ANGPT1: variants seen among roughly 807,000 people sequenced by gnomAD.
The protein encoded by ANGPT1 is angiopoietin 1.
ANGPT1 carries 17 observed loss-of-function variants against 62.2 expected under a neutral mutation model. That is an observed-to-expected ratio of 0.27 (90% confidence interval 0.19 to 0.41). The LOEUF (loss-of-function observed/expected upper bound fraction) is 0.41. ANGPT1 is among the 10% of genes least tolerant of loss of function. The probability of loss-of-function intolerance (pLI) is 1.00; values close to 1 mark genes in which losing one functional copy is unlikely to be tolerated. For missense variants in ANGPT1, 478 were observed against 594.9 expected (o/e 0.80, Z 2.04); for synonymous variants, 199 against 198.9 (o/e 1.00, Z 0.00).
At chr8:107,485,142 A>C (rs1038326011) in intron 1 of ANGPT1, among the ~76,000 whole-genome samples, 2 of 152,186 alleles carry the variant, frequency 1.3e-5, no homozygotes, top group Non-Finnish European at 2.9e-5. Context: ...CAGCTTGAGC[A>C]ATACAGCGTG....
At chr8:107,342,886 A>T (rs989475412) in intron 2 of ANGPT1, among the ~76,000 whole-genome samples, 1 of 151,384 alleles carries the variant, frequency 6.6e-6, no homozygotes, top group African/African-American at 2.4e-5. Context: ...ACCATGCTGG[A>T]GTGCAGTGGT....
At position 107,490,932 on chromosome 8, in the gene ANGPT1, G is replaced by A. The variant is rs75115547; in HGVS notation, c.297+6330C>T. 5.5e-3 allele frequency among the ~76,000 whole-genome samples: 836 copies of A among 152,306 alleles called. 6 individuals are homozygous for A. The highest frequency in any genetic ancestry group is 0.019 in the African/African-American group (788 of 41,558). ...CCATCGCTTGTTGACCCTTGATAGA[G>A]AGGATGGAAACTCAGAATATTAATA... On this transcript the variant is annotated intron_variant, in intron 1 of 8. Coordinates refer to ENST00000517746, the MANE Select transcript of ANGPT1 (RefSeq NM_001146.5).
At chr8:107,378,101 C>T (rs1268028897) in intron 1 of ANGPT1, among the ~76,000 whole-genome samples, 2 of 152,136 alleles carry the variant, frequency 1.3e-5, no homozygotes. Context: ...CTTTTCCATA[C>T]AGCATTTGAA....
At chr8:107,351,668 A>G (rs1815936255) in intron 1 of ANGPT1, among the ~76,000 whole-genome samples, 1 of 152,042 alleles carries the variant, frequency 6.6e-6, no homozygotes, top group Admixed American at 6.6e-5. Flanking sequence ...GTGGAGACCA[A>G]GTTAATTTGA....
At position 107,322,128 on chromosome 8, in the gene ANGPT1, A is replaced by T; in HGVS notation, c.576T>A (p.Ser192Arg). 6.3e-7 allele frequency: 1 copy of T among 1,598,170 alleles called. No individual in the cohort carries two copies. The highest frequency in any genetic ancestry group is 8.5e-7 in the Non-Finnish European group (1 of 1,170,694). The change falls in exon 4 of 9, where the codon AGT becomes AGA. Residue 192 changes from serine to arginine, a missense_variant and splice_region_variant. By Grantham distance (110) the Ser-to-Arg change is moderately radical. Coordinates refer to ENST00000517746, the MANE Select transcript of ANGPT1 (RefSeq NM_001146.5). The part of the protein sequence containing the change: ...NEILKIHEKN[S>R]LLEHKILEME... ...TTTCTAAGATTTTATGTTCTAATAA[A>T]CTACAAGGAAGTGAAAATAAAACTT...
At chr8:107,468,828 T>G (rs1270177180) in intron 1 of ANGPT1, among the ~76,000 whole-genome samples, 1 of 152,028 alleles carries the variant, frequency 6.6e-6, no homozygotes, top group Non-Finnish European at 1.5e-5. Context: ...CCTGTCCAAT[T>G]GGTATATTTG....
chr8:107,312,843 G>C (rs892443802), intron 4 of ANGPT1, among the ~76,000 whole-genome samples: 1 of 151,980 alleles, frequency 6.6e-6, no homozygotes, highest in African/African-American at 2.4e-5. Flanking sequence ...CATGATTCCT[G>C]CTCCTTCTAA....
intron 8 of ANGPT1, among the ~76,000 whole-genome samples, chr8:107,257,816 A>T (rs984205593): frequency 6.6e-6 from 1 of 151,682 alleles, no homozygotes; most frequent in African/African-American, 2.4e-5. Context: ...GAACCTTGCT[A>T]GAAGTCCATT....
At chr8:107,266,644 T>C (rs886973383) in intron 7 of ANGPT1, among the ~76,000 whole-genome samples, 1 of 152,172 alleles carries the variant, frequency 6.6e-6, no homozygotes, top group African/African-American at 2.4e-5. Flanking sequence ...TGTTTCTCTG[T>C]GATTTGTAAT....
At chr8:107,297,094 G>C (rs1195635396) in intron 5 of ANGPT1, among the ~76,000 whole-genome samples, 1 of 151,988 alleles carries the variant, frequency 6.6e-6, no homozygotes, top group Non-Finnish European at 1.5e-5. Flanking sequence ...GTTCAGATGT[G>C]CTGAGAATGC....
Position 107,450,979 on chromosome 8 carries a change from G to A in ANGPT1, c.297+46283C>T, listed in dbSNP as rs987787414. 2.8e-4 allele frequency among the ~76,000 whole-genome samples: 42 copies of A among 151,548 alleles called. 1 individual carries two copies. Among genetic ancestry groups the A allele is most frequent in the African/African-American group, 9.4e-4 (39 of 41,288 alleles). On this transcript the variant is annotated intron_variant, in intron 1 of 8. Transcript: ENST00000517746. Reference sequence around the variant, plus strand: ...CTGCCTTCTACATATTTACTAGAACGTATTGTAAATGCACCATGATACTTT... The same window carrying A: ...CTGCCTTCTACATATTTACTAGAACATATTGTAAATGCACCATGATACTTT...
chr8:107,300,666 G>A (rs1179867661), intron 5 of ANGPT1, among the ~76,000 whole-genome samples: 2 of 151,830 alleles, frequency 1.3e-5, no homozygotes, highest in Non-Finnish European at 2.9e-5. Flanking sequence ...TTATGGGTAC[G>A]TATGGGTATG....
rs936760732 is a variant in ANGPT1, at chr8:107,455,161, C to G, written c.297+42101G>C. Among the ~76,000 whole-genome samples, 7 of 152,042 alleles carry G rather than the reference C, an allele frequency of 4.6e-5. 1 individual carries two copies. The highest frequency in any genetic ancestry group is 1.0e-4 in the Non-Finnish European group (7 of 67,944). On this transcript the variant is annotated intron_variant, in intron 1 of 8. Transcript: ENST00000517746. ...AGCAGGAAGAGTGTAAGGACAAGAC[C>G]TTTTTGGTTCAAAATAAGTTCATTC...
intron 1 of ANGPT1, among the ~76,000 whole-genome samples, chr8:107,392,189 T>C (rs914456141): frequency 6.6e-6 from 1 of 152,200 alleles, no homozygotes; most frequent in Admixed American, 6.6e-5. Flanking sequence ...AGGATAATCT[T>C]GTATATAATT....
At chr8:107,310,936 AGTGTGT>A (rs35357623) in intron 4 of ANGPT1, among the ~76,000 whole-genome samples, 2 of 140,458 alleles carry the variant, frequency 1.4e-5, no homozygotes, top group African/African-American at 2.6e-5. Flanking sequence ...TGTTAGTGTG[AGTGTGT>A]GTGTGTGTAT....
intron 1 of ANGPT1, among the ~76,000 whole-genome samples, chr8:107,451,688 G>A (rs568576197): frequency 1.7e-4 from 26 of 151,990 alleles, no homozygotes; most frequent in African/African-American, 5.8e-4. Context: ...AAACAGATAC[G>A]AAAATCACAT....
At chr8:107,469,070 A>C (rs1402981194) in intron 1 of ANGPT1, among the ~76,000 whole-genome samples, 1 of 151,950 alleles carries the variant, frequency 6.6e-6, no homozygotes, top group Non-Finnish European at 1.5e-5. Context: ...TACAAATTTA[A>C]CTCATTCATT....
chr8:107,483,937 TA>T (rs1238978365), intron 1 of ANGPT1, among the ~76,000 whole-genome samples: 2 of 152,252 alleles, frequency 1.3e-5, no homozygotes, highest in African/African-American at 4.8e-5. Flanking sequence ...GAAAGTTTTT[TA>T]AGAATTGTGC....
At chr8:107,421,482 A>C (rs566996210) in intron 1 of ANGPT1, among the ~76,000 whole-genome samples, 2 of 152,320 alleles carry the variant, frequency 1.3e-5, no homozygotes, top group South Asian at 4.1e-4. Context: ...TACCACTTAC[A>C]AGTATCCCAA....
Sources: allele counts gnomAD v4.1 joint callset (sites outside exome capture counted in the v4.1 genomes callset), GRCh38; gene constraint gnomAD v4.1.1; transcripts MANE v1.5; gene names NCBI Gene and HGNC (gene_info 2026-07-23, HGNC 2026-07-21).